The following GPHN variants were observed in gnomAD, a reference collection of about 807,000 sequenced individuals.
The protein encoded by GPHN is gephyrin.
In GPHN, 17 loss-of-function variants were observed where a neutral mutation model predicts 95.5. That is an observed-to-expected ratio of 0.18 (90% CI 0.12 to 0.27). The LOEUF is 0.27. GPHN is among the 10% of genes least tolerant of loss of function. The pLI is 1.00. For synonymous variants in GPHN, 320 were observed against 322.5 expected (o/e 0.99, Z 0.08); for missense variants, 660 against 978.1 (o/e 0.67, Z 4.34).
At chr14:66,832,605 A>G (rs1008756539) in intron 4 of GPHN, among the ~76,000 whole-genome samples, 23 of 151,746 alleles carry the variant, frequency 1.5e-4, no homozygotes, top group African/African-American at 5.3e-4. Context: ...TTTTTGTATC[A>G]TAGGCACACT....
rs533758479 is a variant in GPHN, at chr14:66,812,156, A to G, written c.202-12318A>G. Among the ~76,000 whole-genome samples, 24 of 152,288 alleles carry G rather than the reference A, an allele frequency of 1.6e-4. No homozygotes were observed. In the East Asian group the frequency reaches 4.6e-3, roughly 29 times the overall value. On this transcript the variant is annotated intron_variant, in intron 3 of 22. Coordinates refer to ENST00000478722, the MANE Select transcript of GPHN (RefSeq NM_020806.5). Reference sequence around the variant, plus strand: ...GAGGGGAGCCTGAAATTCTATAAATAAACTCCCTGTATTTCTGGCTGACCT... The same window carrying G: ...GAGGGGAGCCTGAAATTCTATAAATGAACTCCCTGTATTTCTGGCTGACCT...
rs140100761 is a variant in GPHN, at chr14:66,956,102, C to G, written c.829-9089C>G. On this transcript the variant is annotated intron_variant, in intron 8 of 22. Coordinates refer to ENST00000478722, the MANE Select transcript of GPHN (RefSeq NM_020806.5). ...TATTTCATTTATCTCCACTATAATT[C>G]TTATTATTTTCTTTTGTTTGCTTTG... Among the ~76,000 whole-genome samples, 454 of 152,010 alleles carry G rather than the reference C, an allele frequency of 3.0e-3. 3 individuals carry two copies. The highest frequency in any genetic ancestry group is 0.011 in the African/African-American group (436 of 41,444).
chr14:66,949,071 A>G (rs2067929479), intron 8 of GPHN, among the ~76,000 whole-genome samples: 2 of 152,110 alleles, frequency 1.3e-5, no homozygotes, highest in African/African-American at 2.4e-5. Context: ...TATGTAATCA[A>G]TCTTTTTTGT....
At chr14:66,526,167 G>T (rs185118772) in intron 1 of GPHN, among the ~76,000 whole-genome samples, 1 of 152,236 alleles carries the variant, frequency 6.6e-6, no homozygotes, top group East Asian at 1.9e-4. Context: ...TCCTTGAGCA[G>T]TGGTTTGTAG....
intron 1 of GPHN, among the ~76,000 whole-genome samples, chr14:66,675,559 A>T (rs2066539000): frequency 6.6e-6 from 1 of 152,196 alleles, no homozygotes; most frequent in African/African-American, 2.4e-5. Context: ...CATTCAACAG[A>T]CTATATTTCT....
At chr14:67,383,240 G>A in the GPHN span, 31 of 1,491,874 alleles carry the variant, frequency 2.1e-5, no homozygotes, top group Non-Finnish European at 2.7e-5. Flanking sequence ...GAAAACATTA[G>A]GCAGTAATAG....
At chr14:67,657,462 G>A in the GPHN span, among the ~76,000 whole-genome samples, 5,408 of 152,184 alleles carry the variant, frequency 0.036, 281 homozygotes, top group African/African-American at 0.12. Context: ...AATCCCCACC[G>A]AAGTTTTACT....
intron 9 of GPHN, among the ~76,000 whole-genome samples, chr14:66,990,158 A>G (rs2071312153): frequency 6.6e-6 from 1 of 152,090 alleles, no homozygotes; most frequent in South Asian, 2.1e-4. Context: ...GAAAACTGCC[A>G]CTTTTAAAAC....
intron 1 of GPHN, among the ~76,000 whole-genome samples, chr14:66,545,431 G>A (rs1484168964): frequency 2.1e-5 from 3 of 141,194 alleles, no homozygotes; most frequent in Non-Finnish European, 4.6e-5. Flanking sequence ...CCGGGCAGAG[G>A]GGCTCCTCAC....
intron 2 of GPHN, among the ~76,000 whole-genome samples, chr14:66,730,124 C>T (rs953462788): frequency 2.6e-5 from 4 of 152,136 alleles, no homozygotes; most frequent in African/African-American, 9.7e-5. Flanking sequence ...TAGCTTGCTG[C>T]AATGCATAGG....
At chr14:67,321,478 T>C in the GPHN span, among the ~76,000 whole-genome samples, 1 of 152,314 alleles carries the variant, frequency 6.6e-6, no homozygotes, top group African/African-American at 2.4e-5. Context: ...AGGTTGACTA[T>C]CTCTTATTCA....
chr14:66,718,348 G>A (rs1676699569), intron 2 of GPHN, among the ~76,000 whole-genome samples: 1 of 152,100 alleles, frequency 6.6e-6, no homozygotes, highest in African/African-American at 2.4e-5. Flanking sequence ...GGCACGTCCG[G>A]AGTTGTTTGT....
chr14:67,213,377 A>G, the GPHN span, among the ~76,000 whole-genome samples: 1 of 125,398 alleles, frequency 8.0e-6, no homozygotes, highest in African/African-American at 3.1e-5. Flanking sequence ...ATGTGTTCTC[A>G]TTGTTCAATT....
intron 2 of GPHN, among the ~76,000 whole-genome samples, chr14:66,713,247 A>G (rs11624076): frequency 2.0e-5 from 3 of 152,148 alleles, no homozygotes; most frequent in Non-Finnish European, 4.4e-5. Flanking sequence ...TTCTGATGTT[A>G]TCGTCTAGAA....
chr14:67,296,585 CAAAA>C, the GPHN span, among the ~76,000 whole-genome samples: 2 of 51,000 alleles, frequency 3.9e-5, no homozygotes, highest in South Asian at 4.8e-4. Context: ...AACTCTGTCT[CAAAA>C]AAAAAAAAAA....
intron 4 of GPHN, among the ~76,000 whole-genome samples, chr14:66,853,141 A>C (rs1240544233): frequency 6.6e-6 from 1 of 152,182 alleles, no homozygotes; most frequent in Non-Finnish European, 1.5e-5. Context: ...AGTGAATTCT[A>C]AATTTTATGC....
At chr14:66,881,743 T>C (rs1161357802) in intron 5 of GPHN, among the ~76,000 whole-genome samples, 1 of 151,906 alleles carries the variant, frequency 6.6e-6, no homozygotes, top group African/African-American at 2.4e-5. Context: ...TGTATCCTCA[T>C]AATTACCTAG....
the GPHN span, chr14:67,620,015 C>T: frequency 1.9e-6 from 3 of 1,610,882 alleles, no homozygotes; most frequent in Non-Finnish European, 2.5e-6. Flanking sequence ...CTCCTCCAGA[C>T]GCGAGTGCAT....
the GPHN span, among the ~76,000 whole-genome samples, chr14:67,557,935 G>A: frequency 6.6e-5 from 10 of 152,312 alleles, no homozygotes; most frequent in African/African-American, 1.7e-4. Flanking sequence ...ATGGTCAGTC[G>A]TGGCCAGCTG....
Sources: gnomAD v4.1 joint callset for allele counts (sites outside exome capture counted in the v4.1 genomes callset) on GRCh38, gnomAD v4.1.1 for gene constraint, MANE v1.5 for transcripts, NCBI Gene and HGNC (gene_info 2026-07-23, HGNC 2026-07-21) for gene names.